Variants in GRHPR observed in about 807,000 individuals in gnomAD.
The protein encoded by GRHPR is glyoxylate and hydroxypyruvate reductase.
Under a neutral mutation model 36.8 loss-of-function variants are expected in GRHPR, and 35 were observed. The ratio of observed to expected loss-of-function variants is 0.95; its 90% CI spans 0.73 to 1.26. The LOEUF (loss-of-function observed/expected upper bound fraction) is 1.26, where lower values mean the gene tolerates loss of function less well. GRHPR is among the 50% of genes most tolerant of loss of function. The pLI is 0.00. For synonymous variants in GRHPR, 179 were observed against 181.0 expected (o/e 0.99, Z 0.09); for missense variants, 380 against 435.0 (o/e 0.87, Z 1.12).
chr9:37,425,776 T>C, intron 2 of GRHPR, 146 bp from the exon 3 acceptor site: 1 of 656,678 alleles, frequency 1.5e-6, no homozygotes, highest in African/African-American at 1.8e-5. Flanking sequence ...TCAAAGGGGA[T>C]TATTCAGAGT....
chr9:37,434,367 A>G, intron 8 of GRHPR: 1 of 486,612 alleles, frequency 2.1e-6, no homozygotes, highest in Admixed American at 3.1e-5. Flanking sequence ...TGTGGGGAAC[A>G]ATTCAAGCTG....
At chr9:37,439,079 A>G (rs1030519889), downstream of GRHPR, 1 of 152,280 alleles carries the variant, frequency 6.6e-6, no homozygotes, top group Non-Finnish European at 1.5e-5. Context: ...AGAAAGCTAT[A>G]TAAAACATAA....
Position 37,430,346 on chromosome 9 carries a change from G to C in GRHPR, c.599-165G>C. 3 of 709,800 alleles carry C rather than the reference G, an allele frequency of 4.2e-6. No individual in the cohort carries two copies. The East Asian group carries it at 7.9e-5, about 19-fold the overall frequency. 44.0% of individuals were successfully genotyped at this position (709,800 alleles called of 1,614,324 possible). ...GAGTGGTCCAGATCCCACTGTGTGT[G>C]ATTTGACTTTGTGCACTCATGAGAG... On this transcript the variant is annotated intron_variant, in intron 6 of 8. Coordinates refer to ENST00000318158, the MANE Select transcript of GRHPR (RefSeq NM_012203.2).
In GRHPR at chr9:37,430,602, C is replaced by A. The variant is rs185747820; in HGVS notation, c.690C>A (p.Phe230Leu). 1.4e-4 allele frequency: 218 copies of A among 1,613,702 alleles called. No individual in the cohort carries two copies. The highest frequency in any genetic ancestry group is 3.8e-4 in the Admixed American group (23 of 60,026). ...CCGAGGGACTCTGCAACAAGGACTT[C>A]TTCCAGAAGATGAAGGAAACAGCTG... ...PATEGLCNKD[F>L]FQKMKETAVF... is the part of the protein sequence containing the mutation. The change falls in exon 7 of 9, where the codon TTC (phenylalanine) becomes TTA (leucine). Residue 230 changes from phenylalanine (F) to leucine (L), a missense_variant. Coordinates refer to ENST00000318158, the MANE Select transcript of GRHPR (RefSeq NM_012203.2).
chr9:37,432,301 A>T, intron 8 of GRHPR, 163 bp downstream of exon 8: 1 of 685,704 alleles, frequency 1.5e-6, no homozygotes, highest in Non-Finnish European at 2.7e-6. Flanking sequence ...ACATGGGTGT[A>T]TGACAGGAGC....
intron 8 of GRHPR, chr9:37,434,541 TC>T: frequency 8.3e-6 from 3 of 360,994 alleles, no homozygotes; most frequent in South Asian, 4.1e-5. Flanking sequence ...AAGTAGCAGC[TC>T]CCACTGAGGC....
Position 37,424,829 on chromosome 9 carries a change from C to T in GRHPR, c.84-16C>T. 5 of 1,612,200 alleles carry T rather than the reference C, an allele frequency of 3.1e-6. No individual in the cohort carries two copies. Among genetic ancestry groups the T allele is most frequent in the Non-Finnish European group, 4.2e-6 (5 of 1,179,596 alleles). On this transcript the variant is annotated splice_polypyrimidine_tract_variant and intron_variant, in intron 1 of 8. Transcript: ENST00000318158. ...TGCGGCTCCTGCTTCTCCTGAGGGC[C>T]TCCCTTTCCCCGCAGCTGTGAGGTG...
upstream of GRHPR, chr9:37,422,651 A>ACGT (rs527871834): frequency 6.0e-4 from 569 of 943,644 alleles, 6 homozygotes; most frequent in South Asian, 7.7e-3. Context: ...GCCGCGCGCG[A>ACGT]CGTCTCTCCC....
At position 37,436,737 on chromosome 9, in the gene GRHPR, G is replaced by A. The variant is rs1564305592; in HGVS notation, c.942G>A (p.Leu314=). 1.9e-6 allele frequency: 3 copies of A among 1,614,066 alleles called. No homozygotes were observed. Among genetic ancestry groups the A allele is most frequent in the Non-Finnish European group, 2.5e-6 (3 of 1,179,964 alleles). ...CCTTGTTGGCAGCTAACAACTTGCTGGCTGGCCTGAGAGGGGAGCCGATGC... is the reference window on the plus strand; with the variant it reads ...CCTTGTTGGCAGCTAACAACTTGCTAGCTGGCCTGAGAGGGGAGCCGATGC... ...TMSLLAANNL[L]AGLRGEPMPS... is the part of the protein sequence containing the mutation. Residue 314 remains leucine (L), a synonymous_variant, in exon 9 of 9, where the codon CTG becomes CTA. Coordinates refer to ENST00000318158, the MANE Select transcript of GRHPR (RefSeq NM_012203.2).
At chr9:37,426,067 T>A in intron 3 of GRHPR, 73 bp downstream of exon 3, 1 of 1,014,104 alleles carries the variant, frequency 9.9e-7, no homozygotes, top group Non-Finnish European at 1.6e-6. Flanking sequence ...GCTGTTGATT[T>A]GTTTTTACTG....
chr9:37,424,783 T>C (rs1422407240), intron 1 of GRHPR, 62 bp from the exon 2 acceptor site: 2 of 1,584,464 alleles, frequency 1.3e-6, no homozygotes, highest in East Asian at 2.3e-5. Context: ...GATTCCCAGC[T>C]GGGAGGGGCG....
At position 37,433,783 on chromosome 9, in the gene GRHPR, A is replaced by G. The variant is rs901300483; in HGVS notation, c.865+1645A>G. ...TGATTCTTTATATTAAGATCTGTTCAGGTAGCTGGTGGAGTTTATGCCTCC... is the reference window on the plus strand; with the variant it reads ...TGATTCTTTATATTAAGATCTGTTCGGGTAGCTGGTGGAGTTTATGCCTCC... On this transcript the variant is annotated intron_variant, in intron 8 of 8. Coordinates refer to ENST00000318158, the MANE Select transcript of GRHPR (RefSeq NM_012203.2). 7 of 334,782 alleles carry G rather than the reference A, an allele frequency of 2.1e-5. No homozygotes were observed. The Admixed American group carries it at 2.9e-4, about 14-fold the overall frequency. The allele number at this position is 334,782 out of a possible 1,614,324, so 20.7% of individuals were successfully genotyped here. A position where few individuals can be genotyped will look rare whatever the true frequency, so the allele number is the denominator to read the frequency against.
In GRHPR at chr9:37,428,591, C is replaced by A. The variant is rs746648380; in HGVS notation, c.493+19C>A. On this transcript the variant is annotated intron_variant, in intron 5 of 8. Transcript: ENST00000318158. ...CGCATAGGTGAGGCTCCCACCGGCC[C>A]GCTTGCCCGCCCCGGCTCTCACAGC... is the stretch of plus-strand genomic sequence containing the variant. 1.3e-6 allele frequency: 2 copies of A among 1,532,140 alleles called. No individual in the cohort carries two copies. The highest frequency in any genetic ancestry group is 1.7e-5 in the Admixed American group (1 of 59,912). The allele number at this position is 1,532,140 out of a possible 1,614,324, so 94.9% of individuals were successfully genotyped here.
At chr9:37,438,546 G>A (rs1452127189), downstream of GRHPR, 1 of 152,250 alleles carries the variant, frequency 6.6e-6, no homozygotes, top group African/African-American at 2.4e-5. Context: ...TTCAGCAGAG[G>A]TAAGCGGGCA....
chr9:37,433,228 A>AT (rs11345501), intron 8 of GRHPR, among the ~76,000 whole-genome samples: 1,538 of 97,040 alleles, frequency 0.016, 38 homozygotes, highest in African/African-American at 0.037. Context: ...TGGTTCTCAC[A>AT]TTTTTTTTTT....
At chr9:37,436,610 G>A (rs1020843214) in intron 8 of GRHPR, 51 bp from the exon 9 acceptor site, 4 of 1,610,440 alleles carry the variant, frequency 2.5e-6, no homozygotes, top group Non-Finnish European at 3.4e-6. Flanking sequence ...CCAGCTGAAG[G>A]CTGCTGAACC....
At chr9:37,428,892 G>T in intron 5 of GRHPR, 1 of 460,712 alleles carries the variant, frequency 2.2e-6, no homozygotes, top group Non-Finnish European at 4.1e-6. Flanking sequence ...CCGTGAGAGA[G>T]CCCATTCCCC....
intron 8 of GRHPR, among the ~76,000 whole-genome samples, chr9:37,433,524 G>A (rs183796598): frequency 5.3e-5 from 8 of 152,122 alleles, no homozygotes; most frequent in East Asian, 3.9e-4. Flanking sequence ...ATGAGTGTCC[G>A]GCCAATTCTC....
chr9:37,433,732 G>A (rs1043433931), intron 8 of GRHPR: 1 of 203,552 alleles, frequency 4.9e-6, no homozygotes, highest in African/African-American at 2.3e-5. Flanking sequence ...CCTGCTCAGT[G>A]AGTTAACAAC....
Sources: allele counts gnomAD v4.1 joint callset (sites outside exome capture counted in the v4.1 genomes callset), GRCh38; gene constraint gnomAD v4.1.1; transcripts MANE v1.5; gene names NCBI Gene and HGNC (gene_info 2026-07-23, HGNC 2026-07-21).